The following SLCO3A1 variants were observed in gnomAD, a reference collection of about 807,000 sequenced individuals.
SLCO3A1 encodes the protein solute carrier organic anion transporter family member 3A1.
SLCO3A1 carries 27 observed loss-of-function variants against 63.1 expected under a neutral mutation model. The observed-to-expected ratio is 0.43, with a 90% CI of 0.32 to 0.59. The LOEUF is 0.59. SLCO3A1 is among the 20% of genes least tolerant of loss of function. The pLI, the probability that SLCO3A1 is intolerant of heterozygous loss-of-function variation, is 0.09. For synonymous variants in SLCO3A1, 473 were observed against 409.9 expected (o/e 1.15, Z -1.86); for missense variants, 773 against 945.8 (o/e 0.82, Z 2.40).
chr15:91,887,927 A>G (rs8031901), intron 1 of SLCO3A1, among the ~76,000 whole-genome samples: 86,312 of 152,068 alleles, frequency 0.57, 27,489 homozygotes, highest in East Asian at 0.85. Context: ...CCTTGTTCAG[A>G]TCTTACACAC....
Position 92,120,570 on chromosome 15 carries a change from TG to T in SLCO3A1, c.1119del (p.Lys374SerfsTer20), listed in dbSNP as rs35411755. On this transcript the variant is annotated frameshift_variant, in exon 5 of 10. Transcript: ENST00000318445. LOFTEE classifies it high-confidence loss of function. ...GTGGTGGCTGGCTTCGCTGCCTTTT[TG>T]GGGAAGTACCTGGAGCAGCAGTTTA... ...IAVVAGFAAF[L>X]GKYLEQQFNL... 6.2e-7 allele frequency: 1 copy of T among 1,613,748 alleles called. No homozygotes were observed. Among genetic ancestry groups the T allele is most frequent in the East Asian group, 2.2e-5 (1 of 44,866 alleles).
intron 2 of SLCO3A1, among the ~76,000 whole-genome samples, chr15:92,023,177 G>A (rs768000777): frequency 9.9e-5 from 15 of 152,264 alleles, no homozygotes; most frequent in Middle Eastern, 3.4e-3. Context: ...AAGCCACCTC[G>A]AGGATTCCTT....
chr15:92,003,896 A>G (rs776698605), intron 2 of SLCO3A1, among the ~76,000 whole-genome samples: 3 of 152,138 alleles, frequency 2.0e-5, no homozygotes, highest in Non-Finnish European at 4.4e-5. Flanking sequence ...CCCCATCAGC[A>G]CTGCGCAGCT....
chr15:92,001,581 C>T (rs532003940), intron 2 of SLCO3A1, among the ~76,000 whole-genome samples: 32 of 152,168 alleles, frequency 2.1e-4, no homozygotes, highest in Admixed American at 8.5e-4. Flanking sequence ...GCTGGTTCAG[C>T]TCTGGGTCTC....
At chr15:91,980,169 A>G (rs1415285408) in intron 2 of SLCO3A1, among the ~76,000 whole-genome samples, 1 of 152,090 alleles carries the variant, frequency 6.6e-6, no homozygotes, top group East Asian at 1.9e-4. Context: ...CTGTGTGACT[A>G]CAGTAGTGCC....
At chr15:92,036,386 G>C (rs1220800682) in intron 2 of SLCO3A1, among the ~76,000 whole-genome samples, 1 of 134,068 alleles carries the variant, frequency 7.5e-6, no homozygotes, top group Admixed American at 7.4e-5. Context: ...TTCTATCTGT[G>C]TTTGAGTTTT....
intron 2 of SLCO3A1, among the ~76,000 whole-genome samples, chr15:92,013,232 T>A (rs1159006616): frequency 1.3e-5 from 2 of 152,268 alleles, no homozygotes; most frequent in Non-Finnish European, 2.9e-5. Context: ...GAACTTGGAC[T>A]CTAATTACTC....
At chr15:92,028,538 G>C (rs1379022651) in intron 2 of SLCO3A1, among the ~76,000 whole-genome samples, 1 of 152,156 alleles carries the variant, frequency 6.6e-6, no homozygotes, top group African/African-American at 2.4e-5. Flanking sequence ...AAGATGAGGA[G>C]AGAAAAGACA....
chr15:92,046,062 A>T (rs1285296482), intron 2 of SLCO3A1, among the ~76,000 whole-genome samples: 1 of 152,146 alleles, frequency 6.6e-6, no homozygotes, highest in East Asian at 1.9e-4. Context: ...AGATCCTCCT[A>T]GGTGTCTGAT....
At chr15:91,890,599 A>C (rs1312872303) in intron 1 of SLCO3A1, among the ~76,000 whole-genome samples, 2 of 152,206 alleles carry the variant, frequency 1.3e-5, no homozygotes, top group African/African-American at 4.8e-5. Context: ...CCATGAAGAG[A>C]CTTAACTGGA....
chr15:91,997,262 C>T (rs2046202356), intron 2 of SLCO3A1, among the ~76,000 whole-genome samples: 1 of 152,100 alleles, frequency 6.6e-6, no homozygotes, highest in African/African-American at 2.4e-5. Flanking sequence ...TAGCTACATC[C>T]ACACCCACAC....
At chr15:92,169,833 C>T (rs1270919699), downstream of SLCO3A1, among the ~76,000 whole-genome samples, 1 of 152,180 alleles carries the variant, frequency 6.6e-6, no homozygotes. Context: ...AGTTCAAGTC[C>T]CTGGTCAAAC....
intron 1 of SLCO3A1, among the ~76,000 whole-genome samples, chr15:91,914,049 G>T (rs1199714468): frequency 6.6e-6 from 1 of 152,184 alleles, no homozygotes; most frequent in East Asian, 1.9e-4. Context: ...AAATGATAAT[G>T]ATAATGGTTA....
In SLCO3A1 at chr15:92,163,316, C is replaced by A; in HGVS notation, c.*181C>A. On this transcript the variant is annotated 3_prime_UTR_variant, in exon 10 of 10. Transcript: ENST00000318445. ...CTCAGCATCAGAGCCAGACAGGATT[C>A]AGAATAAGGAGAGAATGACATCGTG... 7.9e-7 allele frequency: 1 copy of A among 1,265,748 alleles called. No homozygotes were observed. 78.4% of individuals were successfully genotyped at this position (1,265,748 alleles called of 1,614,324 possible). A position where few individuals can be genotyped will look rare whatever the true frequency, so the allele number is the denominator to read the frequency against.
At chr15:92,118,080 C>T (rs946384313) in intron 4 of SLCO3A1, among the ~76,000 whole-genome samples, 1 of 152,206 alleles carries the variant, frequency 6.6e-6, no homozygotes, top group African/African-American at 2.4e-5. Flanking sequence ...ACAAAACACA[C>T]ACATAAAGAC....
intron 1 of SLCO3A1, among the ~76,000 whole-genome samples, chr15:91,899,616 G>A (rs955587835): frequency 9.9e-5 from 15 of 151,912 alleles, no homozygotes; most frequent in African/African-American, 3.4e-4. Context: ...TTTTATTGGG[G>A]TATAATTTAT....
intron 2 of SLCO3A1, among the ~76,000 whole-genome samples, chr15:92,083,069 G>C (rs2047365588): frequency 6.6e-6 from 1 of 152,156 alleles, no homozygotes; most frequent in Non-Finnish European, 1.5e-5. Context: ...TAGGAAAACT[G>C]TGTTTTCCCC....
intron 2 of SLCO3A1, among the ~76,000 whole-genome samples, chr15:92,094,375 C>T (rs1231720958): frequency 6.6e-6 from 1 of 152,144 alleles, no homozygotes; most frequent in African/African-American, 2.4e-5. Context: ...TTGTTATTTG[C>T]TGAATTTCGG....
Position 91,865,435 on chromosome 15 carries a change from C to T in SLCO3A1, c.180+11347C>T, listed in dbSNP as rs1263640647. Reference sequence around the variant, plus strand: ...TCAGAAGGAAAAAACCAGGTCTATTCATTAACTAGGGCTGCTGTAACAAAT... The same window carrying T: ...TCAGAAGGAAAAAACCAGGTCTATTTATTAACTAGGGCTGCTGTAACAAAT... On this transcript the variant is annotated intron_variant, in intron 1 of 9. Transcript: ENST00000318445. The surrounding 1 kb of genome is among the most constrained non-coding windows in gnomAD (Gnocchi z 4.6). Among the ~76,000 whole-genome samples, 4 of 152,152 alleles carry T rather than the reference C, an allele frequency of 2.6e-5. No homozygotes were observed. The East Asian group carries it at 7.7e-4, about 29-fold the overall frequency.
Sources: gnomAD v4.1 joint callset for allele counts (sites outside exome capture counted in the v4.1 genomes callset) on GRCh38, gnomAD v4.1.1 for gene constraint, Gnocchi (gnomAD v3.1) non-coding constraint, MANE v1.5 for transcripts, NCBI Gene and HGNC (gene_info 2026-07-23, HGNC 2026-07-21) for gene names.